Variants in USP12 observed in about 807,000 individuals in gnomAD.
The protein encoded by USP12 is ubiquitin specific peptidase 12, also known as ubiquitin carboxyl-terminal hydrolase 12.
In USP12, 19 loss-of-function variants were observed where a neutral mutation model predicts 45.5. The observed-to-expected ratio is 0.42, with a 90% confidence interval of 0.29 to 0.61. The LOEUF is 0.61. Among genes scored for constraint, USP12 ranks in the 20% least tolerant of loss-of-function variants. The pLI, the probability that USP12 is intolerant of heterozygous loss-of-function variation, is 0.22. For missense variants in USP12, 242 were observed against 447.7 expected, an observed-to-expected ratio of 0.54 and a Z score of 4.15; for synonymous variants, 149 against 148.8, an observed-to-expected ratio of 1.00 and a Z score of -0.01.
At chr13:27,090,774 C>T (rs1056540056) in intron 4 of USP12, among the ~76,000 whole-genome samples, 7 of 152,188 alleles carry the variant, frequency 4.6e-5, no homozygotes, top group Non-Finnish European at 1.0e-4. Flanking sequence ...ACAGGAGATA[C>T]GTCTGACTCA....
At chr13:27,083,871 TATA>T (rs1565983766) in intron 6 of USP12, among the ~76,000 whole-genome samples, 8 of 149,974 alleles carry the variant, frequency 5.3e-5, no homozygotes, top group African/African-American at 2.0e-4. Flanking sequence ...TATATATATA[TATA>T]TTTTTTTGAG....
intron 1 of USP12, among the ~76,000 whole-genome samples, chr13:27,125,607 G>A (rs1268384784): frequency 2.6e-5 from 4 of 152,202 alleles, no homozygotes; most frequent in African/African-American, 9.6e-5. Flanking sequence ...GGACTGGCTG[G>A]ACAGTGGGTA....
intron 1 of USP12, among the ~76,000 whole-genome samples, chr13:27,134,165 C>A (rs1010547341): frequency 6.6e-6 from 1 of 152,150 alleles, no homozygotes; most frequent in Non-Finnish European, 1.5e-5. Context: ...TAATTAGTCA[C>A]ACATTATGAC....
chr13:27,118,251 T>C (rs1272117378), intron 1 of USP12, among the ~76,000 whole-genome samples: 1 of 151,976 alleles, frequency 6.6e-6, no homozygotes, highest in South Asian at 2.1e-4. Flanking sequence ...AGGGGACTGA[T>C]AAAGGCACAT....
chr13:27,151,054 C>T (rs530493737), intron 1 of USP12, among the ~76,000 whole-genome samples: 3 of 152,212 alleles, frequency 2.0e-5, no homozygotes, highest in Non-Finnish European at 2.9e-5. Context: ...TCAGGCCAGA[C>T]GCTGTGGCTC....
intron 6 of USP12, chr13:27,089,613 C>T: frequency 3.4e-6 from 1 of 295,302 alleles, no homozygotes; most frequent in South Asian, 6.8e-5. Flanking sequence ...ATCAGGAAAG[C>T]CTCAAAGCCA....
rs552938868 is a variant in USP12, at chr13:27,077,544, G to C, written c.735-2156C>G. Reference sequence around the variant, plus strand: ...CACATGAAGAATATGAATCCTATTTGCCAAAGATCCTCCCAGAGGAGAAGT... The same window carrying C: ...CACATGAAGAATATGAATCCTATTTCCCAAAGATCCTCCCAGAGGAGAAGT... On this transcript the variant is annotated intron_variant, in intron 6 of 8. Coordinates refer to ENST00000282344, the MANE Select transcript of USP12 (RefSeq NM_182488.4). 2.6e-5 allele frequency: 4 copies of C among 152,232 alleles called. No individual in the cohort carries two copies. In the South Asian group the frequency reaches 6.2e-4, roughly 24 times the overall value. 9.4% of individuals were successfully genotyped at this position (152,232 alleles called of 1,614,324 possible). A position where few individuals can be genotyped will look rare whatever the true frequency, so the allele number is the denominator to read the frequency against.
intron 6 of USP12, among the ~76,000 whole-genome samples, chr13:27,079,998 C>T (rs1196227439): frequency 6.6e-6 from 1 of 152,150 alleles, no homozygotes; most frequent in Non-Finnish European, 1.5e-5. Context: ...GAGATATAAG[C>T]AATGAGAGGA....
In USP12 at chr13:27,068,409, G is replaced by T. The variant is rs772811002; in HGVS notation, c.*874C>A. On this transcript the variant is annotated 3_prime_UTR_variant, in exon 9 of 9. Transcript: ENST00000282344. ...AGAGATATCAGTTCCTCCTGAAAAA[G>T]GATATTTATCTCCTCTCACTGCAGT... 2 of 152,408 alleles carry T rather than the reference G, an allele frequency of 1.3e-5. No individual in the cohort carries two copies. The highest frequency in any genetic ancestry group is 2.9e-5 in the Non-Finnish European group (2 of 67,994). The allele number at this position is 152,408 out of a possible 1,614,324, so 9.4% of individuals were successfully genotyped here.
rs529350281 is a variant in USP12, at chr13:27,171,585, C to A, written c.48+7G>T. The A allele has an allele frequency of 1.5e-5, 19 of 1,262,314 alleles. No homozygotes were observed. The African/African-American group carries it at 2.9e-4, about 19-fold the overall frequency. The allele number at this position is 1,262,314 out of a possible 1,614,324, so 78.2% of individuals were successfully genotyped here. Reference sequence around the variant, plus strand: ...GCAGCCCCGGCCGCCCGCTCGCCGCCACCTACCATGGTACAGATGGAGGCG... The same window carrying A: ...GCAGCCCCGGCCGCCCGCTCGCCGCAACCTACCATGGTACAGATGGAGGCG... On this transcript the variant is annotated splice_region_variant and intron_variant, in intron 1 of 8. Coordinates refer to ENST00000282344, the MANE Select transcript of USP12 (RefSeq NM_182488.4).
chr13:27,162,174 C>T (rs541282407), intron 1 of USP12, among the ~76,000 whole-genome samples: 4 of 152,254 alleles, frequency 2.6e-5, no homozygotes, highest in South Asian at 4.1e-4. Context: ...GTACAAAGGA[C>T]GTTCACATGT....
rs1873013784 is a variant in USP12 at position 27,066,776 on chromosome 13, C to T, written c.*2507G>A. 1 of 152,236 alleles carries T rather than the reference C, an allele frequency of 6.6e-6. No individual in the cohort carries two copies. Among genetic ancestry groups the T allele is most frequent in the Non-Finnish European group, 1.5e-5 (1 of 68,044 alleles). 9.4% of individuals were successfully genotyped at this position (152,236 alleles called of 1,614,324 possible). A position where few individuals can be genotyped will look rare whatever the true frequency, so the allele number is the denominator to read the frequency against. On this transcript the variant is annotated 3_prime_UTR_variant, in exon 9 of 9. Coordinates refer to ENST00000282344, the MANE Select transcript of USP12 (RefSeq NM_182488.4). ...ATAGTTACACGGCAATCAGCCACCA[C>T]TTACAACTTACACCAGCCCCGCATT...
At chr13:27,133,258 G>T (rs1303479137) in intron 1 of USP12, among the ~76,000 whole-genome samples, 3 of 152,122 alleles carry the variant, frequency 2.0e-5, no homozygotes, top group African/African-American at 7.2e-5. Flanking sequence ...ACATCTTTCT[G>T]TTATTTCTAT....
At chr13:27,128,607 A>C (rs1242363933) in intron 1 of USP12, among the ~76,000 whole-genome samples, 2 of 152,220 alleles carry the variant, frequency 1.3e-5, no homozygotes. Flanking sequence ...CACTTTGGTG[A>C]ACAAATTACA....
intron 1 of USP12, among the ~76,000 whole-genome samples, chr13:27,143,099 GA>G (rs55973953): frequency 7.0e-6 from 1 of 143,390 alleles, no homozygotes; most frequent in African/African-American, 2.6e-5. Context: ...CTCAAAAAAA[GA>G]AAAAAAAAAA....
chr13:27,171,310 C>A (rs558085534), intron 1 of USP12, among the ~76,000 whole-genome samples: 1 of 149,694 alleles, frequency 6.7e-6, no homozygotes, highest in Non-Finnish European at 1.5e-5. Context: ...AGGCCGGTGC[C>A]CGCCCGACGC....
chr13:27,160,272 T>C (rs1318552069), intron 1 of USP12, among the ~76,000 whole-genome samples: 2 of 152,130 alleles, frequency 1.3e-5, no homozygotes, highest in Admixed American at 6.5e-5. Context: ...TAAGGCTTGA[T>C]GTGTATAGTG....
chr13:27,072,897 T>C (rs1873310896), intron 7 of USP12, among the ~76,000 whole-genome samples: 1 of 152,202 alleles, frequency 6.6e-6, no homozygotes, highest in Non-Finnish European at 1.5e-5. Flanking sequence ...GAAGCAAATC[T>C]ACAAATAAGT....
chr13:27,139,733 G>T (rs191317461), intron 1 of USP12, among the ~76,000 whole-genome samples: 1 of 152,274 alleles, frequency 6.6e-6, no homozygotes, highest in African/African-American at 2.4e-5. Flanking sequence ...ATAAATGCAG[G>T]TGAAGTCACA....
Sources: gnomAD v4.1 joint callset for allele counts (sites outside exome capture counted in the v4.1 genomes callset) on GRCh38, gnomAD v4.1.1 for gene constraint, MANE v1.5 for transcripts, NCBI Gene and HGNC (gene_info 2026-07-23, HGNC 2026-07-21) for gene names.